The following VRK2 variants were observed in gnomAD, a reference collection of about 807,000 sequenced individuals.
The protein encoded by VRK2 is VRK serine/threonine kinase 2, also known as serine/threonine-protein kinase VRK2.
Under a neutral mutation model 57.6 loss-of-function variants are expected in VRK2, and 60 were observed. The observed-to-expected ratio is 1.04, with a 90% CI of 0.85 to 1.29. The LOEUF is 1.29. Among genes scored for constraint, VRK2 ranks in the 50% most tolerant of loss-of-function variants. The pLI, the probability that VRK2 is intolerant of heterozygous loss-of-function variation, is 0.00. For synonymous variants in VRK2, 231 were observed against 199.2 expected, an observed-to-expected ratio of 1.16 and a Z score of -1.35; for missense variants, 705 against 588.1, an observed-to-expected ratio of 1.20 and a Z score of -2.06.
At chr2:58,052,038 T>A (rs1675820373) in intron 2 of VRK2, among the ~76,000 whole-genome samples, 1 of 152,204 alleles carries the variant, frequency 6.6e-6, no homozygotes, top group East Asian at 1.9e-4. Context: ...GTTAGAATTT[T>A]ACTATAATGC....
At chr2:58,031,759 A>G (rs1674117038) in intron 2 of VRK2, among the ~76,000 whole-genome samples, 1 of 152,040 alleles carries the variant, frequency 6.6e-6, no homozygotes, top group Non-Finnish European at 1.5e-5. Flanking sequence ...CTGCTTTTTC[A>G]TGTGCTATCT....
chr2:58,155,921 G>T (rs13427491), intron 12 of VRK2, among the ~76,000 whole-genome samples: 20,828 of 138,378 alleles, frequency 0.15, 1,782 homozygotes, highest in African/African-American at 0.3. Flanking sequence ...TTTCATGTTT[G>T]TTTTTTTTTT....
intron 2 of VRK2, among the ~76,000 whole-genome samples, chr2:58,050,101 T>C (rs1331590337): frequency 6.6e-6 from 1 of 152,142 alleles, no homozygotes; most frequent in Admixed American, 6.5e-5. Context: ...TCAATAGAAA[T>C]GTAATACAAG....
chr2:57,932,825 C>T (rs570895002), intron 1 of VRK2, among the ~76,000 whole-genome samples: 40 of 152,134 alleles, frequency 2.6e-4, no homozygotes, highest in African/African-American at 8.9e-4. Flanking sequence ...AGGCATTTAA[C>T]GTTATAAACC....
At chr2:58,042,691 C>A (rs577356154), upstream of VRK2, among the ~76,000 whole-genome samples, 11 of 152,282 alleles carry the variant, frequency 7.2e-5, no homozygotes, top group South Asian at 8.3e-4. Flanking sequence ...AGAACGCATG[C>A]CATACCTACA....
chr2:57,945,966 A>G (rs1671249943), intron 1 of VRK2, among the ~76,000 whole-genome samples: 1 of 152,166 alleles, frequency 6.6e-6, no homozygotes, highest in African/African-American at 2.4e-5. Context: ...AACCGGAGCA[A>G]AAGACCCAAA....
At chr2:58,022,521 G>C (rs1477009619) in intron 1 of VRK2, among the ~76,000 whole-genome samples, 1 of 152,204 alleles carries the variant, frequency 6.6e-6, no homozygotes, top group Non-Finnish European at 1.5e-5. Flanking sequence ...TGTAGGAAAA[G>C]AGTATGTTGT....
chr2:58,048,464 T>G (rs1668675788), intron 1 of VRK2: 8 of 946,524 alleles, frequency 8.5e-6, no homozygotes, highest in Non-Finnish European at 1.2e-5. Flanking sequence ...ACAGCAATAT[T>G]TCCATGTACA....
rs575878068 is a variant in VRK2 at position 58,074,202 on chromosome 2, T to G, written c.137-9887T>G. On this transcript the variant is annotated intron_variant, in intron 2 of 12. Coordinates refer to ENST00000340157, the MANE Select transcript of VRK2 (RefSeq NM_006296.7). ...TTTTATATTTAAAGTGGGTTTCCTA[T>G]AGACATCATATAGTTGTCTTATTTT... 1.1e-3 allele frequency among the ~76,000 whole-genome samples: 172 copies of G among 152,270 alleles called. 1 individual carries two copies. The highest frequency in any genetic ancestry group is 4.0e-3 in the African/African-American group (165 of 41,578).
intron 2 of VRK2, among the ~76,000 whole-genome samples, chr2:58,061,340 T>C (rs1248005323): frequency 6.6e-6 from 1 of 151,866 alleles, no homozygotes; most frequent in Non-Finnish European, 1.5e-5. Context: ...TAAAATGAAA[T>C]AAGTATGTAA....
At chr2:57,912,330 C>T (rs1465175310) in intron 1 of VRK2, among the ~76,000 whole-genome samples, 2 of 152,144 alleles carry the variant, frequency 1.3e-5, no homozygotes, top group Non-Finnish European at 1.5e-5. Flanking sequence ...TGGTGGAGTC[C>T]AAGAGTGTCC....
At chr2:58,097,410 G>T (rs12473840) in intron 7 of VRK2, among the ~76,000 whole-genome samples, 26,138 of 151,680 alleles carry the variant, frequency 0.17, 3,267 homozygotes, top group African/African-American at 0.35. Flanking sequence ...CTTTCAAGTT[G>T]TTTAGGGGGA....
rs1433966864 is a variant in VRK2, at chr2:58,123,203, T to A, written c.646T>A (p.Phe216Ile). Residue 216 changes from phenylalanine to isoleucine, a missense_variant, in exon 8 of 13, where the codon TTT becomes ATT. Transcript: ENST00000340157. ...PRKGHNGTIEFTSLDAHKGVA... is the reference protein window; with the variant it reads ...PRKGHNGTIEITSLDAHKGVA... ...AAAAGGCCATAATGGGACAATAGAG[T>A]TTACCAGCTTGGATGCCCACAAGGG... 6.3e-7 allele frequency: 1 copy of A among 1,586,870 alleles called. No homozygotes were observed. The highest frequency in any genetic ancestry group is 1.4e-5 in the African/African-American group (1 of 72,630).
intron 1 of VRK2, among the ~76,000 whole-genome samples, chr2:57,940,096 G>A (rs1431598769): frequency 1.3e-5 from 2 of 152,082 alleles, no homozygotes; most frequent in African/African-American, 4.8e-5. Context: ...GGAAATAATA[G>A]TTTAGATATA....
intron 1 of VRK2, among the ~76,000 whole-genome samples, chr2:57,963,763 A>C (rs1055141545): frequency 2.0e-5 from 3 of 152,232 alleles, no homozygotes; most frequent in Admixed American, 1.3e-4. Flanking sequence ...ATAACCAATC[A>C]ATAGTAATGT....
chr2:57,982,558 T>A (rs1672456129), intron 1 of VRK2, among the ~76,000 whole-genome samples: 1 of 152,020 alleles, frequency 6.6e-6, no homozygotes, highest in African/African-American at 2.4e-5. Context: ...TTGGCAGGGA[T>A]CCACCTGAAA....
Position 58,035,137 on chromosome 2 carries a change from A to C in VRK2, c.-6+1584A>C, listed in dbSNP as rs561640778. ...CCATGCCTTCCAACAGTATAATCCTATCTGTATTACTTTTAACAGAAATGC... is the reference window on the plus strand; with the variant it reads ...CCATGCCTTCCAACAGTATAATCCTCTCTGTATTACTTTTAACAGAAATGC... On this transcript the variant is annotated intron_variant, in intron 3 of 15. Coordinates refer to the VRK2 transcript ENST00000417641. 6.6e-5 allele frequency among the ~76,000 whole-genome samples: 10 copies of C among 152,156 alleles called. No individual in the cohort carries two copies. In the East Asian group the frequency reaches 1.5e-3, roughly 24 times the overall value.
At chr2:58,094,278 T>C (rs1236294781) in intron 7 of VRK2, among the ~76,000 whole-genome samples, 1 of 152,208 alleles carries the variant, frequency 6.6e-6, no homozygotes, top group African/African-American at 2.4e-5. Flanking sequence ...CTGATGATAT[T>C]GATTCTTCCT....
At chr2:58,111,962 C>T (rs774616908) in intron 7 of VRK2, among the ~76,000 whole-genome samples, 6 of 152,062 alleles carry the variant, frequency 3.9e-5, no homozygotes, top group Non-Finnish European at 8.8e-5. Flanking sequence ...TTTCCCTTTA[C>T]AATTCTATAA....
Sources: allele counts gnomAD v4.1 joint callset (sites outside exome capture counted in the v4.1 genomes callset), GRCh38; gene constraint gnomAD v4.1.1; transcripts MANE v1.5; gene names NCBI Gene and HGNC (gene_info 2026-07-23, HGNC 2026-07-21).